PDSS2: variants seen among roughly 807,000 people sequenced by gnomAD.
The protein encoded by PDSS2 is decaprenyl diphosphate synthase subunit 2, also known as all trans-polyprenyl-diphosphate synthase PDSS2.
PDSS2 carries 31 observed loss-of-function variants against 44.5 expected under a neutral mutation model. That is an observed-to-expected ratio of 0.70 (90% CI 0.52 to 0.94). The LOEUF (loss-of-function observed/expected upper bound fraction) is 0.94. Among genes scored for constraint, PDSS2 ranks in the 40% least tolerant of loss-of-function variants. The pLI is 0.00. For synonymous variants in PDSS2, 157 were observed against 180.3 expected, an observed-to-expected ratio of 0.87 and a Z score of 1.03; for missense variants, 452 against 482.2, an observed-to-expected ratio of 0.94 and a Z score of 0.59.
At chr6:107,203,985 C>T (rs1036759398) in intron 6 of PDSS2, among the ~76,000 whole-genome samples, 1 of 151,906 alleles carries the variant, frequency 6.6e-6, no homozygotes, top group Admixed American at 6.6e-5. Context: ...ACTCTGTCCC[C>T]ACGCTGGAGT....
intron 4 of PDSS2, among the ~76,000 whole-genome samples, chr6:107,242,739 C>A (rs1291752760): frequency 6.6e-6 from 1 of 152,174 alleles, no homozygotes; most frequent in East Asian, 1.9e-4. Flanking sequence ...CCCATGTTGT[C>A]CAGGCTGGTC....
At chr6:107,328,383 C>T (rs1777613870) in intron 2 of PDSS2, among the ~76,000 whole-genome samples, 1 of 152,116 alleles carries the variant, frequency 6.6e-6, no homozygotes, top group East Asian at 1.9e-4. Context: ...TGTGGGACCT[C>T]GGAAAGTTAC....
In PDSS2 at chr6:107,410,497, T is replaced by C. The variant is rs574210183; in HGVS notation, c.296+48493A>G. On this transcript the variant is annotated intron_variant, in intron 1 of 7. Coordinates refer to ENST00000369037, the MANE Select transcript of PDSS2 (RefSeq NM_020381.4). ...TGTTTTTTGTTTGTTTGTTTGTTTGTTTGTTTTTTGAGACAGAGTCTCACT... is the reference window on the plus strand; with the variant it reads ...TGTTTTTTGTTTGTTTGTTTGTTTGCTTGTTTTTTGAGACAGAGTCTCACT... Among the ~76,000 whole-genome samples the C allele has an allele frequency of 3.9e-5, 6 of 152,190 alleles. No homozygotes were observed. In the South Asian group the frequency reaches 1.2e-3, roughly 32 times the overall value.
rs141834305 is a variant in PDSS2 at position 107,366,260 on chromosome 6, C to T, written c.297-31928G>A. On this transcript the variant is annotated intron_variant, in intron 1 of 7. Coordinates refer to ENST00000369037, the MANE Select transcript of PDSS2 (RefSeq NM_020381.4). ...GAAAACCCAAATATTTTGAATTAAA[C>T]AACATACTTCTAAATAGCCCAGGGG... 1.5e-3 allele frequency among the ~76,000 whole-genome samples: 234 copies of T among 152,084 alleles called. 1 individual carries two copies. Among genetic ancestry groups the T allele is most frequent in the Non-Finnish European group, 2.8e-3 (188 of 67,912 alleles).
chr6:107,175,464 T>G (rs1447425128), intron 7 of PDSS2, among the ~76,000 whole-genome samples: 7 of 152,292 alleles, frequency 4.6e-5, no homozygotes, highest in African/African-American at 1.7e-4. Context: ...CAGAAAGCAT[T>G]ACAATTTCAT....
At chr6:107,258,813 A>G (rs1189750596) in intron 3 of PDSS2, among the ~76,000 whole-genome samples, 1 of 152,116 alleles carries the variant, frequency 6.6e-6, no homozygotes, top group Non-Finnish European at 1.5e-5. Context: ...AAAAAAAAAA[A>G]GTTTCATGAA....
At chr6:107,300,228 C>G (rs937333072) in intron 2 of PDSS2, among the ~76,000 whole-genome samples, 1 of 152,176 alleles carries the variant, frequency 6.6e-6, no homozygotes, top group Admixed American at 6.5e-5. Context: ...CAGTCCATGA[C>G]TAAGATCTAC....
chr6:107,429,904 ATATATATATATATAT>A lies in PDSS2; in HGVS notation c.296+29071_296+29085del, dbSNP rs1781132961. 6.9e-4 allele frequency among the ~76,000 whole-genome samples: 23 copies of A among 33,380 alleles called. 2 individuals are homozygous for A. The highest frequency in any genetic ancestry group is 1.4e-3 in the African/African-American group (16 of 11,322). 21.9% of individuals were successfully genotyped at this position (33,380 alleles called of 152,430 possible). On this transcript the variant is annotated intron_variant, in intron 1 of 7. Coordinates refer to ENST00000369037, the MANE Select transcript of PDSS2 (RefSeq NM_020381.4). Reference sequence around the variant, plus strand: ...AGTCTCAAAAAAAAAAAAAAAAAATATATATATATATATATATATATATATATATATATACACCAA... The same window carrying A: ...AGTCTCAAAAAAAAAAAAAAAAAATAATATATATATATATATATACACCAA...
chr6:107,268,094 T>A (rs1041085314), intron 3 of PDSS2, among the ~76,000 whole-genome samples: 6 of 152,214 alleles, frequency 3.9e-5, no homozygotes, highest in African/African-American at 1.4e-4. Context: ...TGTCTCCTAG[T>A]ATCTTTTATC....
At chr6:107,260,317 C>T (rs1333297095) in intron 3 of PDSS2, among the ~76,000 whole-genome samples, 7 of 152,140 alleles carry the variant, frequency 4.6e-5, no homozygotes, top group Non-Finnish European at 8.8e-5. Context: ...ACCCTATAAA[C>T]CAACTTTGGC....
chr6:107,370,934 C>T (rs1225750488), intron 1 of PDSS2, among the ~76,000 whole-genome samples: 2 of 152,166 alleles, frequency 1.3e-5, no homozygotes, highest in African/African-American at 2.4e-5. Flanking sequence ...CCTGTAACCC[C>T]AGCACTTTGG....
chr6:107,442,447 A>C (rs1241687167), intron 1 of PDSS2, among the ~76,000 whole-genome samples: 1 of 150,578 alleles, frequency 6.6e-6, no homozygotes, highest in Non-Finnish European at 1.5e-5. Flanking sequence ...AAAAACAAAA[A>C]ACAAAAGCAA....
At chr6:107,324,078 C>A (rs527565582) in intron 2 of PDSS2, among the ~76,000 whole-genome samples, 1 of 152,270 alleles carries the variant, frequency 6.6e-6, no homozygotes, top group South Asian at 2.1e-4. Context: ...ACATAAAGAG[C>A]CTTCCCTTTT....
chr6:107,183,264 T>C (rs567544098), intron 7 of PDSS2, among the ~76,000 whole-genome samples: 29 of 151,734 alleles, frequency 1.9e-4, no homozygotes, highest in African/African-American at 4.1e-4. Flanking sequence ...TATTTTGATA[T>C]GGATTTTTTT....
chr6:107,249,256 G>C (rs1031421606), intron 3 of PDSS2, among the ~76,000 whole-genome samples: 1 of 152,180 alleles, frequency 6.6e-6, no homozygotes, highest in Non-Finnish European at 1.5e-5. Flanking sequence ...CTATTACCGT[G>C]CTATATTCAG....
At position 107,459,149 on chromosome 6, in the gene PDSS2, G is replaced by A. The variant is rs1782160607; in HGVS notation, c.137C>T (p.Pro46Leu). 1.9e-6 allele frequency: 3 copies of A among 1,614,152 alleles called. No homozygotes were observed. The highest frequency in any genetic ancestry group is 1.7e-6 in the Non-Finnish European group (2 of 1,180,014). ...TGACACTACCTGATTCCAGTGGGCCGGGGACTTGGAGGACCGACCACGCCA... is the reference window on the plus strand; with the variant it reads ...TGACACTACCTGATTCCAGTGGGCCAGGGACTTGGAGGACCGACCACGCCA... The part of the protein sequence containing the change: ...GSWRGRSSKS[P>L]AHWNQVVSEA... The change falls in exon 1 of 8, where the codon CCG (proline) becomes CTG (leucine). Residue 46 changes from proline (P) to leucine (L), a missense_variant. Transcript: ENST00000369037. This position sits in a 1 kb window ranked among gnomAD's most constrained non-coding sequence, Gnocchi z 4.3.
intron 1 of PDSS2, among the ~76,000 whole-genome samples, chr6:107,450,876 G>A (rs945504004): frequency 3.3e-5 from 5 of 152,166 alleles, no homozygotes; most frequent in African/African-American, 7.2e-5. Flanking sequence ...TGTCACCCAC[G>A]CTGAAGTGCA....
At chr6:107,162,862 C>T (rs575572955) in intron 7 of PDSS2, among the ~76,000 whole-genome samples, 2 of 152,236 alleles carry the variant, frequency 1.3e-5, no homozygotes, top group East Asian at 3.9e-4. Flanking sequence ...GCCTTGGCCT[C>T]CCAAAGTGCT....
intron 1 of PDSS2, among the ~76,000 whole-genome samples, chr6:107,370,928 T>C (rs1019266562): frequency 1.3e-5 from 2 of 152,214 alleles, no homozygotes; most frequent in Non-Finnish European, 2.9e-5. Flanking sequence ...CTTACGCCTG[T>C]AACCCCAGCA....
Sources: gnomAD v4.1 joint callset for allele counts (sites outside exome capture counted in the v4.1 genomes callset) on GRCh38, gnomAD v4.1.1 for gene constraint, Gnocchi (gnomAD v3.1) non-coding constraint, MANE v1.5 for transcripts, NCBI Gene and HGNC (gene_info 2026-07-23, HGNC 2026-07-21) for gene names.